SUCLG2: variants seen among roughly 807,000 people sequenced by gnomAD.
SUCLG2 encodes succinate--CoA ligase [GDP-forming] subunit beta, mitochondrial.
A neutral mutation model predicts 47.9 loss-of-function variants in SUCLG2; 42 were observed. The ratio of observed to expected loss-of-function variants is 0.88; its 90% CI spans 0.69 to 1.14. The LOEUF (loss-of-function observed/expected upper bound fraction) is 1.14, where lower values mean the gene tolerates loss of function less well. SUCLG2 is among the 50% of genes most tolerant of loss of function. The pLI, the probability that SUCLG2 is intolerant of heterozygous loss-of-function variation, is 0.00. For missense variants in SUCLG2, 571 were observed against 525.9 expected (o/e 1.09, Z -0.84); for synonymous variants, 195 against 197.3 (o/e 0.99, Z 0.10).
intron 9 of SUCLG2, chr3:67,408,707 T>C: frequency 8.2e-7 from 1 of 1,224,076 alleles, no homozygotes; most frequent in African/African-American, 1.6e-5. Flanking sequence ...CTTGGTAGAA[T>C]AAGCAAAACT....
intron 10 of SUCLG2, among the ~76,000 whole-genome samples, chr3:67,386,466 C>T (rs188461451): frequency 1.3e-3 from 196 of 151,474 alleles, no homozygotes; most frequent in South Asian, 7.3e-3. Context: ...TGTTCTCACG[C>T]CGCTAATAAA....
chr3:67,649,950 C>T (rs77127287), intron 1 of SUCLG2, among the ~76,000 whole-genome samples: 1 of 152,152 alleles, frequency 6.6e-6, no homozygotes, highest in African/African-American at 2.4e-5. Flanking sequence ...GGAATGTTCT[C>T]ACTACTGTGG....
intron 6 of SUCLG2, among the ~76,000 whole-genome samples, chr3:67,511,046 G>A (rs1039534318): frequency 6.6e-6 from 1 of 151,882 alleles, no homozygotes; most frequent in Non-Finnish European, 1.5e-5. Flanking sequence ...GTGCCACCAA[G>A]CCTGGCTAAT....
chr3:67,633,877 T>A lies in SUCLG2; in HGVS notation c.84+20626A>T, dbSNP rs191555954. ...TACACTCCAAGACTTTAAAATATTT[T>A]AATATTTTTAAAATATTTCTTATAT... On this transcript the variant is annotated intron_variant, in intron 1 of 10. Coordinates refer to ENST00000307227, the MANE Select transcript of SUCLG2 (RefSeq NM_003848.4). 3.1e-3 allele frequency among the ~76,000 whole-genome samples: 471 copies of A among 152,222 alleles called. 10 individuals carry two copies. Among genetic ancestry groups the A allele is most frequent in the Admixed American group, 0.021 (315 of 15,300 alleles).
chr3:67,400,010 C>G (rs1702646423), intron 10 of SUCLG2, among the ~76,000 whole-genome samples: 1 of 151,786 alleles, frequency 6.6e-6, no homozygotes, highest in Non-Finnish European at 1.5e-5. Flanking sequence ...CAAACCCTGT[C>G]TCAAAACAAA....
chr3:67,425,858 C>T (rs1402727510), intron 9 of SUCLG2, among the ~76,000 whole-genome samples: 2 of 152,158 alleles, frequency 1.3e-5, no homozygotes, highest in Admixed American at 1.3e-4. Flanking sequence ...CATAAACATT[C>T]GAGCTGTCGA....
At chr3:67,492,452 C>T (rs761850851) in intron 9 of SUCLG2, among the ~76,000 whole-genome samples, 4 of 152,092 alleles carry the variant, frequency 2.6e-5, no homozygotes, top group Admixed American at 2.6e-4. Context: ...CTATATAGTG[C>T]TTTTCTTTTA....
At chr3:67,402,426 A>G (rs1254813276) in intron 9 of SUCLG2, among the ~76,000 whole-genome samples, 1 of 152,254 alleles carries the variant, frequency 6.6e-6, no homozygotes, top group Non-Finnish European at 1.5e-5. Context: ...AAAGAAATGA[A>G]CAATATTTTT....
At chr3:67,364,965 A>T (rs1232955744) in intron 10 of SUCLG2, among the ~76,000 whole-genome samples, 1 of 152,254 alleles carries the variant, frequency 6.6e-6, no homozygotes, top group Non-Finnish European at 1.5e-5. Flanking sequence ...GAAACAGGAT[A>T]GAAAGAACCA....
At chr3:67,453,328 T>C (rs1472972302) in intron 9 of SUCLG2, among the ~76,000 whole-genome samples, 2 of 152,174 alleles carry the variant, frequency 1.3e-5, no homozygotes, top group Non-Finnish European at 2.9e-5. Context: ...CTCACAGTTC[T>C]GGAGTCTGAA....
Position 67,404,530 on chromosome 3 carries a change from T to C in SUCLG2, c.1063-3679A>G, listed in dbSNP as rs76080521. ...CAAGAAGAGCAACAGGACATAGAAG[T>C]ACGCAGGCTGCTTAGCTCAGGGAAA... On this transcript the variant is annotated intron_variant, in intron 9 of 10. Transcript: ENST00000307227. Among the ~76,000 whole-genome samples the C allele has an allele frequency of 3.6e-4, 55 of 152,014 alleles. 1 individual carries two copies. In the East Asian group the frequency reaches 0.011, roughly 30 times the overall value.
chr3:67,550,180 A>C (rs1460351879), intron 2 of SUCLG2, among the ~76,000 whole-genome samples: 1 of 152,232 alleles, frequency 6.6e-6, no homozygotes, highest in Non-Finnish European at 1.5e-5. Context: ...CCATGCGGGT[A>C]ACATGATTGG....
intron 6 of SUCLG2, among the ~76,000 whole-genome samples, chr3:67,516,117 T>C (rs1705939112): frequency 6.6e-6 from 1 of 152,196 alleles, no homozygotes; most frequent in African/African-American, 2.4e-5. Flanking sequence ...AGCAGCACCC[T>C]ATCAGTGCTC....
rs571363966 is a variant in SUCLG2, at chr3:67,576,745, A to C, written c.226+32710T>G. Among the ~76,000 whole-genome samples the C allele has an allele frequency of 2.0e-5, 3 of 152,308 alleles. No individual in the cohort carries two copies. In the South Asian group the frequency reaches 6.2e-4, roughly 32 times the overall value. ...GTTGAGAGTTACTCTCACTCTGCCAACTAAATAAAAATATCTCAAACTGGG... is the reference window on the plus strand; with the variant it reads ...GTTGAGAGTTACTCTCACTCTGCCACCTAAATAAAAATATCTCAAACTGGG... On this transcript the variant is annotated intron_variant, in intron 2 of 10. Coordinates refer to ENST00000307227, the MANE Select transcript of SUCLG2 (RefSeq NM_003848.4).
At chr3:67,488,739 A>G (rs1705128185) in intron 9 of SUCLG2, among the ~76,000 whole-genome samples, 1 of 152,192 alleles carries the variant, frequency 6.6e-6, no homozygotes, top group South Asian at 2.1e-4. Context: ...TCTCTATGCA[A>G]TAACATTAAG....
At chr3:67,630,777 G>A (rs1242157443) in intron 1 of SUCLG2, among the ~76,000 whole-genome samples, 1 of 152,176 alleles carries the variant, frequency 6.6e-6, no homozygotes, top group African/African-American at 2.4e-5. Context: ...CCATCAACAG[G>A]AGTTGAAATA....
At chr3:67,380,698 A>G (rs1198348807) in intron 10 of SUCLG2, among the ~76,000 whole-genome samples, 5 of 66,688 alleles carry the variant, frequency 7.5e-5, no homozygotes, top group African/African-American at 2.5e-4. Flanking sequence ...AGAGAGAGAG[A>G]GAGGGAGATA....
intron 6 of SUCLG2, among the ~76,000 whole-genome samples, chr3:67,510,891 T>C (rs1156496060): frequency 9.7e-6 from 1 of 103,562 alleles, no homozygotes; most frequent in Non-Finnish European, 2.0e-5. Context: ...AAATTGTTCT[T>C]TTTTTTTTTT....
rs534652473 is a variant in SUCLG2 at position 67,509,026 on chromosome 3, G to A, written c.661-123C>T. ...TATTTTCAGTTAGGTTTTCTGAAGGGAAAAACAGAAAAGCATAATTATTTT... is the reference window on the plus strand; with the variant it reads ...TATTTTCAGTTAGGTTTTCTGAAGGAAAAAACAGAAAAGCATAATTATTTT... On this transcript the variant is annotated intron_variant, in intron 6 of 10. Transcript: ENST00000307227. 104 of 648,196 alleles carry A rather than the reference G, an allele frequency of 1.6e-4. No individual in the cohort carries two copies. The African/African-American group carries it at 1.8e-3, about 11-fold the overall frequency. 40.2% of individuals were successfully genotyped at this position (648,196 alleles called of 1,614,324 possible). A position where few individuals can be genotyped will look rare whatever the true frequency, so the allele number is the denominator to read the frequency against.
Sources: gnomAD v4.1 joint callset for allele counts (sites outside exome capture counted in the v4.1 genomes callset) on GRCh38, gnomAD v4.1.1 for gene constraint, MANE v1.5 for transcripts, NCBI Gene and HGNC (gene_info 2026-07-23, HGNC 2026-07-21) for gene names.